The following NRXN2 variants were observed in gnomAD, a reference collection of about 807,000 sequenced individuals.
NRXN2 encodes the protein neurexin 2, also known as neurexin-2-beta.
Under a neutral mutation model 128.8 loss-of-function variants are expected in NRXN2, and 29 were observed. The observed-to-expected ratio is 0.23, with a 90% CI of 0.17 to 0.31. The LOEUF is 0.31. NRXN2 is among the 10% of genes least tolerant of loss of function. The pLI is 1.00. For missense variants in NRXN2, 1,881 were observed against 2,452.6 expected (o/e 0.77, Z 4.92); for synonymous variants, 1,098 against 1,075.2 (o/e 1.02, Z -0.41).
chr11:64,694,237 G>A (rs2135593350), intron 3 of NRXN2, among the ~76,000 whole-genome samples: 1 of 152,298 alleles, frequency 6.6e-6, no homozygotes, highest in Non-Finnish European at 1.5e-5. Context: ...CAAGAGGGTA[G>A]GAAGGGGAAC....
intron 2 of NRXN2, among the ~76,000 whole-genome samples, chr11:64,708,181 T>C (rs960872063): frequency 2.0e-5 from 3 of 151,838 alleles, no homozygotes; most frequent in Non-Finnish European, 4.4e-5. Context: ...ACACACAGCC[T>C]AGCACAAAAG....
Position 64,648,703 on chromosome 11 carries a change from G to T in NRXN2, c.3283+31C>A. ...AGCTGGCCATCCTGTAGCCAGTAGG[G>T]CCACACCTCACTCCTCCACCCTCCA... On this transcript the variant is annotated intron_variant, in intron 16 of 22. Transcript: ENST00000265459. This position sits in a 1 kb window ranked among gnomAD's most constrained non-coding sequence, Gnocchi z 4.1. The T allele has an allele frequency of 6.2e-7, 1 of 1,612,112 alleles. No individual in the cohort carries two copies.
At chr11:64,709,527 G>A (rs1018445079) in intron 2 of NRXN2, among the ~76,000 whole-genome samples, 1 of 152,078 alleles carries the variant, frequency 6.6e-6, no homozygotes, top group Admixed American at 6.5e-5. Flanking sequence ...AATCAGTAGG[G>A]TTATTGCTGT....
chr11:64,688,411 G>A (rs1279477536), intron 5 of NRXN2: 4 of 985,310 alleles, frequency 4.1e-6, no homozygotes, highest in South Asian at 4.7e-5. Flanking sequence ...AAGAAAACCC[G>A]AAGATGGTGA....
Position 64,713,448 on chromosome 11 carries a change from G to C in NRXN2, c.252C>G (p.Asp84Glu), listed in dbSNP as rs780155507. ...DCDFLELLLVDGRLRLRFTLS... is the reference protein window; with the variant it reads ...DCDFLELLLVEGRLRLRFTLS... Reference sequence around the variant, plus strand: ...GCGTGAAGCGCAGCCGCAGGCGGCCGTCCACCAGCAGCAGCTCCAGGAAGT... The same window carrying C: ...GCGTGAAGCGCAGCCGCAGGCGGCCCTCCACCAGCAGCAGCTCCAGGAAGT... Residue 84 changes from aspartate to glutamate, a missense_variant, in exon 2 of 23, where the codon GAC becomes GAG. Physicochemically the swap from Asp to Glu is conservative, Grantham distance 45 (BLOSUM62 2). Transcript: ENST00000265459. The C allele has an allele frequency of 6.6e-7, 1 of 1,521,798 alleles. No individual in the cohort carries two copies. The highest frequency in any genetic ancestry group is 2.0e-5 in the Admixed American group (1 of 49,724). 94.3% of individuals were successfully genotyped at this position (1,521,798 alleles called of 1,614,324 possible).
chr11:64,626,679 G>A (rs956824868), intron 19 of NRXN2, 127 bp from the exon 20 acceptor site: 4 of 782,874 alleles, frequency 5.1e-6, no homozygotes, highest in South Asian at 2.8e-5. Context: ...GGGGAAGGGA[G>A]GAAAAGAAAC....
intron 22 of NRXN2, among the ~76,000 whole-genome samples, chr11:64,612,465 C>T (rs2040822519): frequency 6.6e-6 from 1 of 152,220 alleles, no homozygotes; most frequent in Non-Finnish European, 1.5e-5. Flanking sequence ...ACCCGCCCAC[C>T]CAACACTCCT....
intron 2 of NRXN2, among the ~76,000 whole-genome samples, chr11:64,712,118 CCT>C (rs1440565928): frequency 2.0e-5 from 3 of 152,296 alleles, no homozygotes; most frequent in South Asian, 4.1e-4. Context: ...GGCCTCGCCC[CCT>C]GTCTCGTAGG....
intron 2 of NRXN2, among the ~76,000 whole-genome samples, chr11:64,702,057 C>G (rs979101635): frequency 1.3e-5 from 2 of 149,740 alleles, no homozygotes; most frequent in African/African-American, 4.9e-5. Flanking sequence ...TGAGGGGTGC[C>G]TCTGCCCTGC....
At chr11:64,647,084 G>T (rs530725026) in intron 17 of NRXN2, among the ~76,000 whole-genome samples, 1 of 152,192 alleles carries the variant, frequency 6.6e-6, no homozygotes, top group East Asian at 1.9e-4. Flanking sequence ...TGAAGGTCCC[G>T]CAGTGTGGTA....
At chr11:64,639,057 T>C (rs1259292604) in intron 17 of NRXN2, among the ~76,000 whole-genome samples, 1 of 152,196 alleles carries the variant, frequency 6.6e-6, no homozygotes, top group Non-Finnish European at 1.5e-5. Context: ...AAACTACATG[T>C]GCAGAACCTC....
chr11:64,697,889 G>C (rs945095859), intron 2 of NRXN2, 97 bp from the exon 3 acceptor site: 14 of 1,461,916 alleles, frequency 9.6e-6, no homozygotes, highest in African/African-American at 2.9e-5. Context: ...CAAGGGGAGA[G>C]AGGAGTCCAA....
At position 64,607,276 on chromosome 11, in the gene NRXN2, C is replaced by A; in HGVS notation, c.5059G>T (p.Val1687Leu). The A allele has an allele frequency of 6.2e-7, 1 of 1,613,982 alleles. No individual in the cohort carries two copies. The highest frequency in any genetic ancestry group is 8.5e-7 in the Non-Finnish European group (1 of 1,179,950). Residue 1687 changes from valine (V) to leucine (L), a missense_variant, in exon 23 of 23, where the codon GTG becomes TTG. Physicochemically the swap from Val to Leu is conservative, Grantham distance 32. Around this residue, in one of 7 missense-constraint regions of NRXN2, gnomAD observed 63 missense variants for 76.0 expected, o/e 0.83. Coordinates refer to ENST00000265459, the MANE Select transcript of NRXN2 (RefSeq NM_015080.4). Reference sequence around the variant, plus strand: ...GCAGCCGGGGCCTTCTCTTTCACCACCGCCCCATTGCTCTGGGCCGAGTTA... The same window carrying A: ...GCAGCCGGGGCCTTCTCTTTCACCAACGCCCCATTGCTCTGGGCCGAGTTA... ...ISNSAQSNGA[V>L]VKEKAPAAPK...
At chr11:64,702,083 G>A (rs2055521675) in intron 2 of NRXN2, among the ~76,000 whole-genome samples, 1 of 149,022 alleles carries the variant, frequency 6.7e-6, no homozygotes, top group Non-Finnish European at 1.5e-5. Context: ...CTACTGGGAA[G>A]TGAGGAGCCC....
chr11:64,713,667 C>T lies in NRXN2; in HGVS notation c.33G>A (p.Pro11=), dbSNP rs760875194. The T allele has an allele frequency of 2.5e-4, 288 of 1,173,472 alleles. No homozygotes were observed. Among genetic ancestry groups the T allele is most frequent in the Non-Finnish European group, 2.9e-4 (275 of 951,444 alleles). 72.7% of individuals were successfully genotyped at this position (1,173,472 alleles called of 1,614,324 possible). MASGSRWRPT[P]PPLLLLLLLA... ...GCAGCAGCAGCAACAGCAGCGGCGG[C>T]GGTGTCGGCCGCCACCGGCTCCCGG... The change falls in exon 2 of 23, where the codon CCG becomes CCA. Residue 11 remains proline (P), a synonymous_variant. Coordinates refer to ENST00000265459, the MANE Select transcript of NRXN2 (RefSeq NM_015080.4).
intron 6 of NRXN2, 101 bp downstream of exon 6, chr11:64,685,545 A>G: frequency 1.3e-6 from 2 of 1,481,816 alleles, no homozygotes; most frequent in Non-Finnish European, 1.9e-6. Flanking sequence ...CTCACTGCCC[A>G]GCCCTGATCC....
chr11:64,717,112 C>A (rs2057326139), intron 1 of NRXN2, among the ~76,000 whole-genome samples: 1 of 152,170 alleles, frequency 6.6e-6, no homozygotes, highest in Non-Finnish European at 1.5e-5. Flanking sequence ...GTAATTGCCT[C>A]ACACGACCAC....
rs1179244879 is a variant in NRXN2 at position 64,667,076 on chromosome 11, A to G, written c.1798+174T>C. Reference sequence around the variant, plus strand: ...GCCAAATGCTGTGCTCTTTCTGCCAATGTCCGATGACAGAAAGGACAATTG... The same window carrying G: ...GCCAAATGCTGTGCTCTTTCTGCCAGTGTCCGATGACAGAAAGGACAATTG... On this transcript the variant is annotated intron_variant, in intron 9 of 22. Transcript: ENST00000265459. This position sits in a 1 kb window ranked among gnomAD's most constrained non-coding sequence, Gnocchi z 5.6. Among the ~76,000 whole-genome samples the G allele has an allele frequency of 2.0e-5, 3 of 152,156 alleles. No individual in the cohort carries two copies. Among genetic ancestry groups the G allele is most frequent in the Non-Finnish European group, 2.9e-5 (2 of 68,030 alleles).
intron 6 of NRXN2, among the ~76,000 whole-genome samples, chr11:64,677,250 T>G (rs1339626198): frequency 6.6e-6 from 1 of 151,988 alleles, no homozygotes; most frequent in African/African-American, 2.4e-5. Context: ...TTAAAGAAAA[T>G]TAAATTATAA....
Sources: allele counts gnomAD v4.1 joint callset (sites outside exome capture counted in the v4.1 genomes callset), GRCh38; gene constraint gnomAD v4.1.1; regional missense constraint gnomAD v4.1.1; non-coding constraint Gnocchi (gnomAD v3.1); transcripts MANE v1.5; gene names NCBI Gene and HGNC (gene_info 2026-07-23, HGNC 2026-07-21).